Variants in NCAM2 observed in about 807,000 individuals in gnomAD.
NCAM2 encodes the protein N-CAM-2.
NCAM2 carries 30 observed loss-of-function variants against 98.1 expected under a neutral mutation model. That is an observed-to-expected ratio of 0.31 (90% confidence interval 0.23 to 0.41). NCAM2 has a LOEUF of 0.41. Ranked by LOEUF, NCAM2 falls within the 10% of genes least tolerant of loss-of-function variation. The pLI, the probability that NCAM2 is intolerant of heterozygous loss-of-function variation, is 1.00. For synonymous variants in NCAM2, 368 were observed against 342.4 expected (o/e 1.07, Z -0.83); for missense variants, 867 against 1,005.8 (o/e 0.86, Z 1.87).
chr21:21,054,500 G>T (rs980785225), intron 1 of NCAM2, among the ~76,000 whole-genome samples: 4 of 151,816 alleles, frequency 2.6e-5, no homozygotes, highest in Admixed American at 6.6e-5. Flanking sequence ...AAATTTAAAG[G>T]CATGGTTTAT....
intron 1 of NCAM2, among the ~76,000 whole-genome samples, chr21:21,018,280 A>C (rs991051942): frequency 2.0e-5 from 3 of 152,214 alleles, no homozygotes; most frequent in African/African-American, 7.2e-5. Context: ...TTTCCATCAA[A>C]ACATAGTCAG....
At chr21:21,420,968 A>G (rs1378943679) in intron 11 of NCAM2, among the ~76,000 whole-genome samples, 1 of 151,858 alleles carries the variant, frequency 6.6e-6, no homozygotes, top group East Asian at 1.9e-4. Context: ...AGCCTTTGGA[A>G]ATTATGCAAC....
At chr21:21,154,388 T>G (rs968676430) in intron 1 of NCAM2, among the ~76,000 whole-genome samples, 2 of 151,880 alleles carry the variant, frequency 1.3e-5, no homozygotes, top group African/African-American at 4.8e-5. Context: ...ATGGATAGCA[T>G]AGTATATGCT....
chr21:21,369,661 G>A (rs1378534427), intron 8 of NCAM2, among the ~76,000 whole-genome samples: 2 of 151,650 alleles, frequency 1.3e-5, no homozygotes, highest in African/African-American at 4.8e-5. Context: ...AATGCTAAGT[G>A]GTATCATGAT....
chr21:21,075,380 A>T (rs1341623022), intron 1 of NCAM2, among the ~76,000 whole-genome samples: 1 of 152,198 alleles, frequency 6.6e-6, no homozygotes, highest in Non-Finnish European at 1.5e-5. Flanking sequence ...TCATTTTCTT[A>T]TATTGATATT....
At chr21:21,215,620 C>T (rs756793849) in intron 1 of NCAM2, among the ~76,000 whole-genome samples, 13 of 151,966 alleles carry the variant, frequency 8.6e-5, no homozygotes, top group African/African-American at 1.5e-4. Context: ...CCCAGCTACT[C>T]GGTAGGTTGA....
intron 7 of NCAM2, among the ~76,000 whole-genome samples, chr21:21,336,561 T>TA (rs200667605): frequency 1.5e-3 from 209 of 142,182 alleles, no homozygotes; most frequent in Non-Finnish European, 2.2e-3. Flanking sequence ...AAAAGTATAA[T>TA]AAAAAAAAAA....
intron 1 of NCAM2, among the ~76,000 whole-genome samples, chr21:21,220,490 T>G (rs2070102897): frequency 6.6e-6 from 1 of 152,130 alleles, no homozygotes; most frequent in Non-Finnish European, 1.5e-5. Flanking sequence ...TCTAGGTCTG[T>G]GTAAGCAAAT....
chr21:21,066,892 C>T (rs2065451582), intron 1 of NCAM2, among the ~76,000 whole-genome samples: 1 of 151,928 alleles, frequency 6.6e-6, no homozygotes, highest in Admixed American at 6.6e-5. Flanking sequence ...ATCATTTGAT[C>T]TTAGCAATGG....
chr21:21,196,314 G>A (rs1275181057), intron 1 of NCAM2, among the ~76,000 whole-genome samples: 1 of 152,156 alleles, frequency 6.6e-6, no homozygotes, highest in Non-Finnish European at 1.5e-5. Flanking sequence ...GGGCAAAAAG[G>A]ACTGACCATT....
At chr21:21,355,245 C>T (rs185718396) in intron 8 of NCAM2, among the ~76,000 whole-genome samples, 1 of 151,712 alleles carries the variant, frequency 6.6e-6, no homozygotes, top group Non-Finnish European at 1.5e-5. Context: ...CCCAGCCTGG[C>T]CAACATGGCA....
At chr21:21,094,135 G>A (rs1321112730) in intron 1 of NCAM2, among the ~76,000 whole-genome samples, 3 of 151,750 alleles carry the variant, frequency 2.0e-5, no homozygotes, top group Non-Finnish European at 4.4e-5. Context: ...CTCGATGCTA[G>A]GGAACTGCAG....
At chr21:21,160,463 G>A (rs1229421405) in intron 1 of NCAM2, among the ~76,000 whole-genome samples, 1 of 151,880 alleles carries the variant, frequency 6.6e-6, no homozygotes, top group Non-Finnish European at 1.5e-5. Flanking sequence ...TTATTAAAGA[G>A]TAATATTTAT....
At chr21:21,530,602 T>C (rs1285648763) in intron 16 of NCAM2, among the ~76,000 whole-genome samples, 1 of 151,480 alleles carries the variant, frequency 6.6e-6, no homozygotes, top group Non-Finnish European at 1.5e-5. Flanking sequence ...TATATACATA[T>C]ATAAATTTTA....
At chr21:21,117,726 T>A (rs1271051420) in intron 1 of NCAM2, among the ~76,000 whole-genome samples, 1 of 152,202 alleles carries the variant, frequency 6.6e-6, no homozygotes, top group East Asian at 1.9e-4. Flanking sequence ...ACCTAGTCTT[T>A]TTTCTTCAAA....
intron 1 of NCAM2, among the ~76,000 whole-genome samples, chr21:21,125,391 T>C (rs989092851): frequency 6.2e-5 from 9 of 144,930 alleles, no homozygotes; most frequent in Admixed American, 2.8e-4. Flanking sequence ...ATATTTTACA[T>C]ATATATGTAA....
chr21:21,335,302 T>G (rs2074830223), intron 6 of NCAM2, among the ~76,000 whole-genome samples: 1 of 152,110 alleles, frequency 6.6e-6, no homozygotes, highest in Non-Finnish European at 1.5e-5. Context: ...GTGTTTACAT[T>G]CAAAAAAAAT....
intron 5 of NCAM2, among the ~76,000 whole-genome samples, chr21:21,317,444 C>G (rs1408104148): frequency 6.6e-6 from 1 of 152,084 alleles, no homozygotes; most frequent in African/African-American, 2.4e-5. Flanking sequence ...TCTAAAAATA[C>G]GTTCTGAAAT....
intron 12 of NCAM2, among the ~76,000 whole-genome samples, chr21:21,450,235 C>T (rs1035355938): frequency 6.6e-6 from 1 of 151,674 alleles, no homozygotes; most frequent in Non-Finnish European, 1.5e-5. Flanking sequence ...TATATATACA[C>T]ATTATATATG....
Sources: allele counts gnomAD v4.1 joint callset (sites outside exome capture counted in the v4.1 genomes callset), GRCh38; gene constraint gnomAD v4.1.1; transcripts MANE v1.5; gene names NCBI Gene and HGNC (gene_info 2026-07-23, HGNC 2026-07-21).